GALNT11: variants seen among roughly 807,000 people sequenced by gnomAD.
GALNT11 encodes polypeptide N-acetylgalactosaminyltransferase 11, also known as UDP-GalNAc:polypeptide N-acetylgalactosaminyltransferase 11.
A neutral mutation model predicts 72.7 loss-of-function variants in GALNT11; 47 were observed. That is an observed-to-expected ratio of 0.65 (90% CI 0.51 to 0.82). The LOEUF (loss-of-function observed/expected upper bound fraction) is 0.82. GALNT11 is among the 40% of genes least tolerant of loss of function. GALNT11 has a pLI of 0.00. For synonymous variants in GALNT11, 270 were observed against 286.6 expected (o/e 0.94, Z 0.58); for missense variants, 677 against 778.4 (o/e 0.87, Z 1.55).
intron 1 of GALNT11, among the ~76,000 whole-genome samples, chr7:152,034,836 A>C (rs1020350512): frequency 6.6e-6 from 1 of 152,064 alleles, no homozygotes; most frequent in African/African-American, 2.4e-5. Context: ...GGCCCTTACC[A>C]ATGCATTCTC....
At chr7:152,039,543 C>G (rs2082748175) in intron 1 of GALNT11, among the ~76,000 whole-genome samples, 1 of 152,154 alleles carries the variant, frequency 6.6e-6, no homozygotes, top group Non-Finnish European at 1.5e-5. Flanking sequence ...CTCAGGTTTT[C>G]TTCCGCCATC....
chr7:152,079,003 T>A (rs2085155907), intron 1 of GALNT11, among the ~76,000 whole-genome samples: 1 of 152,208 alleles, frequency 6.6e-6, no homozygotes. Flanking sequence ...CCTTGCCGAC[T>A]GGGAAGAATG....
chr7:152,034,159 C>A (rs1586916861), intron 1 of GALNT11, among the ~76,000 whole-genome samples: 1 of 152,172 alleles, frequency 6.6e-6, no homozygotes, highest in Non-Finnish European at 1.5e-5. Context: ...TTGGAGATTT[C>A]TTTGCTTATT....
chr7:152,028,442 T>G (rs942608077), intron 1 of GALNT11, among the ~76,000 whole-genome samples: 2 of 152,108 alleles, frequency 1.3e-5, no homozygotes, highest in Admixed American at 6.5e-5. Context: ...GTTCTCCAAG[T>G]CTGCTACCCA....
At chr7:152,025,912 C>A in intron 1 of GALNT11, 28 bp downstream of exon 1, 1 of 209,366 alleles carries the variant, frequency 4.8e-6, no homozygotes, top group Non-Finnish European at 1.0e-5. Flanking sequence ...GGCGGCCTCC[C>A]GGCGTCCCTC....
intron 1 of GALNT11, among the ~76,000 whole-genome samples, chr7:152,047,076 C>T (rs762663627): frequency 3.3e-5 from 5 of 152,122 alleles, no homozygotes; most frequent in African/African-American, 4.8e-5. Flanking sequence ...AAAAAGAAAA[C>T]TAATAAAAAC....
At chr7:152,055,558 TG>T (rs2083625734) in intron 1 of GALNT11, among the ~76,000 whole-genome samples, 2 of 149,744 alleles carry the variant, frequency 1.3e-5, no homozygotes, top group African/African-American at 2.5e-5. Flanking sequence ...TGTGTGTGTG[TG>T]TGTGTGTGTA....
At chr7:152,037,062 T>G (rs1046775703) in intron 1 of GALNT11, among the ~76,000 whole-genome samples, 6 of 152,226 alleles carry the variant, frequency 3.9e-5, no homozygotes, top group Non-Finnish European at 8.8e-5. Flanking sequence ...GTTCCTTTGT[T>G]GTACAGAAGC....
At chr7:152,116,941 C>T (rs146669940) in intron 8 of GALNT11, 17 of 670,110 alleles carry the variant, frequency 2.5e-5, no homozygotes, top group Middle Eastern at 2.4e-4. Context: ...GGGAGTTTTC[C>T]GTAATTTTTA....
intron 7 of GALNT11, among the ~76,000 whole-genome samples, chr7:152,110,859 T>G (rs962211119): frequency 2.0e-5 from 3 of 151,146 alleles, no homozygotes; most frequent in African/African-American, 4.9e-5. Context: ...GCCTCCTGAT[T>G]AGCTGGGACT....
At chr7:152,027,851 A>C (rs1257408192) in intron 1 of GALNT11, 1 of 159,012 alleles carries the variant, frequency 6.3e-6, no homozygotes, top group Non-Finnish European at 1.4e-5. Context: ...AGACCTTTGC[A>C]GTGAGTGTTA....
intron 7 of GALNT11, among the ~76,000 whole-genome samples, chr7:152,111,628 G>GTGTGTA (rs553453480): frequency 6.1e-4 from 88 of 144,864 alleles, no homozygotes; most frequent in African/African-American, 2.3e-3. Context: ...GTGTGTGTGT[G>GTGTGTA]TATATATATA....
chr7:152,111,628 G>GTA (rs139640614), intron 7 of GALNT11, among the ~76,000 whole-genome samples: 136 of 144,854 alleles, frequency 9.4e-4, no homozygotes, highest in East Asian at 2.6e-3. Context: ...GTGTGTGTGT[G>GTA]TATATATATA....
At chr7:152,050,959 A>G (rs1429127598) in intron 1 of GALNT11, among the ~76,000 whole-genome samples, 1 of 151,886 alleles carries the variant, frequency 6.6e-6, no homozygotes, top group East Asian at 1.9e-4. Context: ...CCCCAAACAC[A>G]GAGATTCTCT....
intron 1 of GALNT11, among the ~76,000 whole-genome samples, chr7:152,060,154 A>G (rs947653256): frequency 1.3e-5 from 2 of 152,182 alleles, no homozygotes; most frequent in African/African-American, 4.8e-5. Flanking sequence ...ATTCTTTGCC[A>G]GTTTCAAACA....
At chr7:152,070,917 C>T (rs939322272) in intron 1 of GALNT11, among the ~76,000 whole-genome samples, 5 of 152,042 alleles carry the variant, frequency 3.3e-5, no homozygotes, top group Admixed American at 6.5e-5. Flanking sequence ...CGGTAGGTTC[C>T]GTGATGCCCA....
intron 1 of GALNT11, among the ~76,000 whole-genome samples, chr7:152,058,312 G>A (rs1336790356): frequency 6.6e-6 from 1 of 151,938 alleles, no homozygotes; most frequent in African/African-American, 2.4e-5. Flanking sequence ...TGAAGGTTAG[G>A]ATGGCTGTGG....
intron 2 of GALNT11, among the ~76,000 whole-genome samples, chr7:152,095,227 AT>A (rs1227213930): frequency 6.6e-6 from 1 of 152,134 alleles, no homozygotes; most frequent in Non-Finnish European, 1.5e-5. Flanking sequence ...TTCAACTTGG[AT>A]GCAAGACTCT....
intron 3 of GALNT11, among the ~76,000 whole-genome samples, chr7:152,101,648 G>T (rs535014883): frequency 7.5e-5 from 11 of 146,872 alleles, no homozygotes; most frequent in South Asian, 4.5e-4. Flanking sequence ...TTTTTGGGGG[G>T]GGGGGGATGG....
Sources: gnomAD v4.1 joint callset for allele counts (sites outside exome capture counted in the v4.1 genomes callset) on GRCh38, gnomAD v4.1.1 for gene constraint, MANE v1.5 for transcripts, NCBI Gene and HGNC (gene_info 2026-07-23, HGNC 2026-07-21) for gene names.